The following PHACTR1 variants were observed in gnomAD, a reference collection of about 807,000 sequenced individuals.
PHACTR1 encodes phosphatase and actin regulator 1, also known as RPEL repeat containing 1.
In PHACTR1, 16 loss-of-function variants were observed where a neutral mutation model predicts 69.2. The ratio of observed to expected loss-of-function variants is 0.23; its 90% CI spans 0.16 to 0.35. PHACTR1 has a LOEUF of 0.35. Among genes scored for constraint, PHACTR1 ranks in the 10% least tolerant of loss-of-function variants. The pLI is 1.00. For missense variants in PHACTR1, 510 were observed against 734.7 expected, an observed-to-expected ratio of 0.69 and a Z score of 3.54; for synonymous variants, 312 against 284.5, an observed-to-expected ratio of 1.10 and a Z score of -0.97.
In PHACTR1 at chr6:12,792,491, A is replaced by AAAAG. The variant is rs1772442446; in HGVS notation, c.250+42703_250+42704insAGAA. ...AAAAAAAAAAAAAAAAAAAAAAAAA[A>AAAAG]AAGAAGATTTCTGACATCATCCTGA... is the stretch of plus-strand genomic sequence containing the variant. On this transcript the variant is annotated intron_variant, in intron 4 of 14. Transcript: ENST00000332995. 2.1e-5 allele frequency among the ~76,000 whole-genome samples: 3 copies of AAAAG among 140,938 alleles called. No individual in the cohort carries two copies. In the East Asian group the frequency reaches 5.9e-4, roughly 28 times the overall value. 92.5% of individuals were successfully genotyped at this position (140,938 alleles called of 152,430 possible). A position where few individuals can be genotyped will look rare whatever the true frequency, so the allele number is the denominator to read the frequency against.
At chr6:12,879,744 T>TA (rs1404744641) in intron 4 of PHACTR1, among the ~76,000 whole-genome samples, 1 of 152,158 alleles carries the variant, frequency 6.6e-6, no homozygotes, top group Non-Finnish European at 1.5e-5. Context: ...TTTCAGATGG[T>TA]AAAATCAGCA....
intron 4 of PHACTR1, among the ~76,000 whole-genome samples, chr6:12,775,109 G>T (rs1178833534): frequency 6.6e-6 from 1 of 152,238 alleles, no homozygotes; most frequent in East Asian, 1.9e-4. Context: ...TGCCCTTACT[G>T]TGTCATCCTT....
intron 4 of PHACTR1, among the ~76,000 whole-genome samples, chr6:12,794,866 G>C (rs1772774201): frequency 6.6e-6 from 1 of 152,092 alleles, no homozygotes; most frequent in Non-Finnish European, 1.5e-5. Flanking sequence ...GGGAGGCAGG[G>C]GCCAGATGAC....
chr6:13,231,025 AAGAAAG>A (rs1373204805), intron 10 of PHACTR1, among the ~76,000 whole-genome samples: 1 of 140,004 alleles, frequency 7.1e-6, no homozygotes, highest in African/African-American at 2.7e-5. Flanking sequence ...GAAGGAAAGA[AAGAAAG>A]AGAGAGAGAG....
rs542080819 is a variant in PHACTR1, at chr6:12,850,229, A to C, written c.250+100439A>C. ...TCTCCTTCTTCCGTCACAACTTCCA[A>C]GAAGCCACCAGAATAACAATGGTTA... is the stretch of plus-strand genomic sequence containing the variant. On this transcript the variant is annotated intron_variant, in intron 4 of 14. Transcript: ENST00000332995. Among the ~76,000 whole-genome samples the C allele has an allele frequency of 2.4e-4, 37 of 152,330 alleles. 1 individual carries two copies. The highest frequency in any genetic ancestry group is 8.3e-4 in the South Asian group (4 of 4,830).
intron 4 of PHACTR1, among the ~76,000 whole-genome samples, chr6:12,904,141 A>C (rs1785477283): frequency 6.6e-6 from 1 of 152,218 alleles, no homozygotes; most frequent in East Asian, 1.9e-4. Context: ...ATTTATGTTT[A>C]TTAAATAACC....
chr6:13,241,524 G>A (rs1044035046), intron 10 of PHACTR1, among the ~76,000 whole-genome samples: 1 of 152,166 alleles, frequency 6.6e-6, no homozygotes, highest in African/African-American at 2.4e-5. Flanking sequence ...AGACTTTGGA[G>A]CTGGACCTGA....
chr6:12,777,058 G>A (rs898628036), intron 4 of PHACTR1, among the ~76,000 whole-genome samples: 1 of 152,016 alleles, frequency 6.6e-6, no homozygotes, highest in African/African-American at 2.4e-5. Context: ...AAATGTGTGT[G>A]GTGTGCCCAT....
intron 4 of PHACTR1, among the ~76,000 whole-genome samples, chr6:12,826,885 A>G (rs1318715514): frequency 6.6e-6 from 1 of 152,254 alleles, no homozygotes; most frequent in Non-Finnish European, 1.5e-5. Context: ...GACTGACTGT[A>G]GAAGGACCAA....
chr6:13,064,228 G>A (rs1237012046), intron 5 of PHACTR1, among the ~76,000 whole-genome samples: 1 of 151,936 alleles, frequency 6.6e-6, no homozygotes, highest in Non-Finnish European at 1.5e-5. Flanking sequence ...ATTAGGAACT[G>A]AAGACTGTGA....
intron 5 of PHACTR1, among the ~76,000 whole-genome samples, chr6:13,077,316 A>G (rs1004962940): frequency 5.3e-5 from 8 of 152,150 alleles, no homozygotes; most frequent in African/African-American, 1.9e-4. Flanking sequence ...GGGAAGTTTG[A>G]TAACTTGCCA....
chr6:13,059,497 A>C (rs1197820030), intron 5 of PHACTR1, among the ~76,000 whole-genome samples: 3 of 149,784 alleles, frequency 2.0e-5, no homozygotes, highest in African/African-American at 7.5e-5. Context: ...CACACACAAA[A>C]CCCACAGAGG....
intron 4 of PHACTR1, among the ~76,000 whole-genome samples, chr6:13,043,716 G>T (rs1199646663): frequency 2.6e-5 from 4 of 152,164 alleles, no homozygotes; most frequent in Admixed American, 2.6e-4. Context: ...GGGAAACCAG[G>T]CTTTGTTGAG....
intron 8 of PHACTR1, among the ~76,000 whole-genome samples, chr6:13,209,844 G>A (rs544642337): frequency 8.5e-5 from 13 of 152,218 alleles, no homozygotes; most frequent in South Asian, 6.2e-4. Context: ...GCCCCTTCCC[G>A]ATCTTATTTC....
At chr6:13,255,357 A>G (rs759191753) in intron 10 of PHACTR1, among the ~76,000 whole-genome samples, 1 of 152,334 alleles carries the variant, frequency 6.6e-6, no homozygotes, top group South Asian at 2.1e-4. Flanking sequence ...ACAATTGAAC[A>G]TGAGATTTGG....
At chr6:12,990,969 G>C (rs1796756568) in intron 4 of PHACTR1, among the ~76,000 whole-genome samples, 1 of 152,156 alleles carries the variant, frequency 6.6e-6, no homozygotes, top group South Asian at 2.1e-4. Context: ...CTCTTTGCCA[G>C]CTGGGGTCTG....
chr6:12,839,982 A>C (rs1778539223), intron 4 of PHACTR1, among the ~76,000 whole-genome samples: 1 of 152,088 alleles, frequency 6.6e-6, no homozygotes, highest in Non-Finnish European at 1.5e-5. Context: ...TTAGATATTG[A>C]TGAGAAATCA....
At chr6:13,019,066 A>ATTTTTTT (rs369553785) in intron 4 of PHACTR1, among the ~76,000 whole-genome samples, 5 of 134,620 alleles carry the variant, frequency 3.7e-5, no homozygotes, top group Non-Finnish European at 7.9e-5. Context: ...ATATATATAT[A>ATTTTTTT]TATATATATT....
At chr6:13,124,622 C>T (rs1819237976) in intron 5 of PHACTR1, among the ~76,000 whole-genome samples, 1 of 152,206 alleles carries the variant, frequency 6.6e-6, no homozygotes, top group East Asian at 1.9e-4. Context: ...TGTTTGTTAG[C>T]TTGCGCTGCC....
Sources: allele counts gnomAD v4.1 joint callset (sites outside exome capture counted in the v4.1 genomes callset), GRCh38; gene constraint gnomAD v4.1.1; transcripts MANE v1.5; gene names NCBI Gene and HGNC (gene_info 2026-07-23, HGNC 2026-07-21).